WDR11: variants seen among roughly 807,000 people sequenced by gnomAD.
The protein encoded by WDR11 is WD repeat-containing protein 11.
In WDR11, 83 loss-of-function variants were observed where a neutral mutation model predicts 151.2. That is an observed-to-expected ratio of 0.55 (90% CI 0.46 to 0.66). The LOEUF is 0.66. Ranked by LOEUF, WDR11 falls within the 30% of genes least tolerant of loss-of-function variation. The probability of loss-of-function intolerance (pLI) is 0.00; values close to 1 mark genes in which losing one functional copy is unlikely to be tolerated. For synonymous variants in WDR11, 484 were observed against 533.1 expected, an observed-to-expected ratio of 0.91 and a Z score of 1.27; for missense variants, 1,301 against 1,480.9, an observed-to-expected ratio of 0.88 and a Z score of 1.99.
intron 9 of WDR11, chr10:120,868,550 C>G (rs1846399699): frequency 6.6e-6 from 1 of 152,130 alleles, no homozygotes; most frequent in African/African-American, 2.4e-5. Context: ...GCTAAATATT[C>G]TACATATTAC....
intron 18 of WDR11, among the ~76,000 whole-genome samples, chr10:120,890,285 T>G (rs1847385389): frequency 6.6e-6 from 1 of 152,194 alleles, no homozygotes; most frequent in South Asian, 2.1e-4. Context: ...CGATCTCGAC[T>G]TATTGCAGCC....
In WDR11 at chr10:120,890,808, C is replaced by G; in HGVS notation, c.2436C>G (p.Ala812=). Residue 812 remains alanine, a synonymous_variant, in exon 19 of 29, where the codon GCC becomes GCG. Transcript: ENST00000263461. ...GTACGTCAGATAAAGTGATCTTGGC[C>G]TCAGATGATGGGTGCATCAGAGTCC... The part of the protein sequence containing the change: ...DWCTSDKVIL[A]SDDGCIRVLE... 6.2e-7 allele frequency: 1 copy of G among 1,614,104 alleles called. No homozygotes were observed. Among genetic ancestry groups the G allele is most frequent in the Non-Finnish European group, 8.5e-7 (1 of 1,180,022 alleles).
chr10:120,883,863 A>C lies in WDR11; in HGVS notation c.1823A>C (p.Lys608Thr), dbSNP rs371219024. 1 of 1,613,380 alleles carries C rather than the reference A, an allele frequency of 6.2e-7. No homozygotes were observed. Among genetic ancestry groups the C allele is most frequent in the South Asian group, 1.1e-5 (1 of 91,060 alleles). The change falls in exon 14 of 29, where the codon AAA (lysine) becomes ACA (threonine). Residue 608 changes from lysine to threonine, a missense_variant. This residue lies in a region of WDR11 where 692 missense variants were observed against 762.5 expected (regional missense o/e 0.91). Coordinates refer to ENST00000263461, the MANE Select transcript of WDR11 (RefSeq NM_018117.12). ...TGTACCCTTCTTAGAGAGATGTCCAAAAACTTCCCTACAATAACTGCTTTG... is the reference window on the plus strand; with the variant it reads ...TGTACCCTTCTTAGAGAGATGTCCACAAACTTCCCTACAATAACTGCTTTG... ...RTCTLLREMS[K>T]NFPTITALEW...
At chr10:120,885,070 C>T (rs1261440236) in intron 14 of WDR11, 2 of 152,192 alleles carry the variant, frequency 1.3e-5, no homozygotes, top group African/African-American at 4.8e-5. Flanking sequence ...GTCCGCTGAG[C>T]TCTTGGTCGT....
At chr10:120,885,215 C>A (rs542799104) in intron 14 of WDR11, 1 of 152,816 alleles carries the variant, frequency 6.5e-6, no homozygotes, top group Non-Finnish European at 1.5e-5. Flanking sequence ...ACGTAGCATG[C>A]AGAAACAGGA....
intron 13 of WDR11, among the ~76,000 whole-genome samples, chr10:120,882,544 G>GTTTT (rs367918882): frequency 7.0e-6 from 1 of 142,412 alleles, no homozygotes; most frequent in African/African-American, 2.6e-5. Flanking sequence ...ATTCAGTTTT[G>GTTTT]TTTTTTTTTT....
Position 120,866,730 on chromosome 10 carries a change from A to G in WDR11, c.1156A>G (p.Lys386Glu). 1 of 1,614,194 alleles carries G rather than the reference A, an allele frequency of 6.2e-7. No homozygotes were observed. The highest frequency in any genetic ancestry group is 8.5e-7 in the Non-Finnish European group (1 of 1,180,032). ...TGGCAGGGTCATGATATGGGAACTCAAGTCTGCAGTTTGTAATCGAAATTC... is the reference window on the plus strand; with the variant it reads ...TGGCAGGGTCATGATATGGGAACTCGAGTCTGCAGTTTGTAATCGAAATTC... ...SDGRVMIWEL[K>E]SAVCNRNSRN... The change falls in exon 8 of 29, where the codon AAG becomes GAG. Residue 386 changes from lysine (K) to glutamate (E), a missense_variant. Coordinates refer to ENST00000263461, the MANE Select transcript of WDR11 (RefSeq NM_018117.12).
intron 13 of WDR11, among the ~76,000 whole-genome samples, chr10:120,883,404 C>T (rs1235513001): frequency 6.6e-6 from 1 of 152,106 alleles, no homozygotes; most frequent in African/African-American, 2.4e-5. Context: ...AGAAACTTTA[C>T]ATACTTTTTC....
chr10:120,899,892 C>T (rs1847750973), intron 19 of WDR11, 137 bp from the exon 20 acceptor site: 1 of 712,824 alleles, frequency 1.4e-6, no homozygotes, highest in Non-Finnish European at 2.5e-6. Context: ...TAAGCGGTGA[C>T]TACATTGAAT....
intron 10 of WDR11, among the ~76,000 whole-genome samples, chr10:120,873,557 A>C (rs2133761036): frequency 6.6e-6 from 1 of 152,318 alleles, no homozygotes; most frequent in Middle Eastern, 3.4e-3. Context: ...GTGTTTCTTC[A>C]AATTGTATGT....
intron 24 of WDR11, among the ~76,000 whole-genome samples, chr10:120,904,427 G>A (rs1847954992): frequency 6.6e-6 from 1 of 152,060 alleles, no homozygotes; most frequent in Non-Finnish European, 1.5e-5. Flanking sequence ...AGCTAAAATA[G>A]GCAATTACTC....
intron 5 of WDR11, among the ~76,000 whole-genome samples, chr10:120,863,394 A>T (rs61875074): frequency 1.3e-5 from 2 of 152,182 alleles, no homozygotes; most frequent in Non-Finnish European, 2.9e-5. Context: ...TTTAGCTATG[A>T]GACTGAGAAA....
At chr10:120,887,635 A>G (rs1333144763) in intron 16 of WDR11, among the ~76,000 whole-genome samples, 3 of 152,170 alleles carry the variant, frequency 2.0e-5, no homozygotes, top group African/African-American at 4.8e-5. Flanking sequence ...AGAAGGATCT[A>G]TTTCCAAGTT....
intron 19 of WDR11, among the ~76,000 whole-genome samples, chr10:120,895,890 C>T (rs1052109422): frequency 2.0e-5 from 3 of 152,128 alleles, no homozygotes; most frequent in African/African-American, 7.2e-5. Context: ...AGTAAGATCC[C>T]TATAGGAAGG....
intron 28 of WDR11, chr10:120,907,808 C>CTT (rs33999355): frequency 0.01 from 1,411 of 138,796 alleles, 29 homozygotes; most frequent in African/African-American, 0.029. Flanking sequence ...TTGTGCCTGG[C>CTT]TTTTTTTTTT....
In WDR11 at chr10:120,851,387, G is replaced by C. The variant is rs1354399470; in HGVS notation, c.-34G>C. The C allele has an allele frequency of 6.3e-7, 1 of 1,587,180 alleles. No homozygotes were observed. Among genetic ancestry groups the C allele is most frequent in the Non-Finnish European group, 8.6e-7 (1 of 1,165,274 alleles). ...ACAGTGTCCGCCGCTTCCTGGTTGC[G>C]GGTCAGCGCCCAGGTCCTGGGCTGG... On this transcript the variant is annotated 5_prime_UTR_variant, in exon 1 of 29. Transcript: ENST00000263461.
rs775000143 is a variant in WDR11 at position 120,860,250 on chromosome 10, C to G, written c.494C>G (p.Ser165Cys). 3.1e-6 allele frequency: 5 copies of G among 1,614,026 alleles called. No individual in the cohort carries two copies. The highest frequency in any genetic ancestry group is 1.6e-4 in the Middle Eastern group (1 of 6,062). ...KSYADNILSFSFDPFDPSHLT... is the reference protein window; with the variant it reads ...KSYADNILSFCFDPFDPSHLT... Reference sequence around the variant, plus strand: ...TATGCAGATAACATTCTTTCTTTTTCTTTTGACCCTTTTGATCCCTCACAT... The same window carrying G: ...TATGCAGATAACATTCTTTCTTTTTGTTTTGACCCTTTTGATCCCTCACAT... The change falls in exon 4 of 29, where the codon TCT (serine) becomes TGT (cysteine). Residue 165 changes from serine (S) to cysteine (C), a missense_variant. This residue lies in a region of WDR11 where 692 missense variants were observed against 762.5 expected (regional missense o/e 0.91). Transcript: ENST00000263461.
chr10:120,853,125 G>C (rs1845836250), intron 2 of WDR11, among the ~76,000 whole-genome samples: 1 of 152,114 alleles, frequency 6.6e-6, no homozygotes, highest in Non-Finnish European at 1.5e-5. Context: ...AGCATTGCAG[G>C]GAAAAGCAAG....
chr10:120,858,421 C>A (rs1846023866), intron 2 of WDR11, among the ~76,000 whole-genome samples: 1 of 152,164 alleles, frequency 6.6e-6, no homozygotes, highest in Admixed American at 6.5e-5. Flanking sequence ...ATCACAGGAT[C>A]TTTGTGATGT....
Sources: gnomAD v4.1 joint callset for allele counts (sites outside exome capture counted in the v4.1 genomes callset) on GRCh38, gnomAD v4.1.1 for gene constraint, gnomAD v4.1.1 regional missense constraint, MANE v1.5 for transcripts, NCBI Gene and HGNC (gene_info 2026-07-23, HGNC 2026-07-21) for gene names.